CEP170B: variants seen among roughly 807,000 people sequenced by gnomAD.
CEP170B encodes centrosomal protein of 170 kDa protein B.
CEP170B carries 55 observed loss-of-function variants against 120.6 expected under a neutral mutation model. That is an observed-to-expected ratio of 0.46 (90% CI 0.37 to 0.57). The LOEUF is 0.57. CEP170B is among the 20% of genes least tolerant of loss of function. The pLI is 0.00. For missense variants in CEP170B, 2,212 were observed against 2,253.3 expected (o/e 0.98, Z 0.37); for synonymous variants, 1,033 against 954.5 (o/e 1.08, Z -1.52).
At chr14:104,888,496 G>T (rs922446189) in intron 12 of CEP170B, among the ~76,000 whole-genome samples, 4 of 152,236 alleles carry the variant, frequency 2.6e-5, no homozygotes, top group Non-Finnish European at 2.9e-5. Flanking sequence ...AGGGAGGGAG[G>T]GAGGGCTGTG....
At chr14:104,878,593 A>C in intron 5 of CEP170B, 92 bp downstream of exon 5, 1 of 1,404,678 alleles carries the variant, frequency 7.1e-7, no homozygotes, top group Non-Finnish European at 9.9e-7. Flanking sequence ...CCCAGCAAAC[A>C]CTCACCAGGC....
chr14:104,865,865 G>T lies in CEP170B; in HGVS notation c.-28+352G>T, dbSNP rs951039446. 6.6e-6 allele frequency among the ~76,000 whole-genome samples: 1 copy of T among 152,034 alleles called. No homozygotes were observed. The highest frequency in any genetic ancestry group is 2.4e-5 in the African/African-American group (1 of 41,422). On this transcript the variant is annotated intron_variant, in intron 1 of 18. Coordinates refer to ENST00000414716, the MANE Select transcript of CEP170B (RefSeq NM_001112726.3). This position sits in a 1 kb window ranked among gnomAD's most constrained non-coding sequence, Gnocchi z 6.7. Reference sequence around the variant, plus strand: ...GCCGGGCCCGGCCGCCTCCCTCCTGGCCTGGTCTCTCCTCCCGCGGTCCCT... The same window carrying T: ...GCCGGGCCCGGCCGCCTCCCTCCTGTCCTGGTCTCTCCTCCCGCGGTCCCT...
Position 104,870,227 on chromosome 14 carries a change from C to T in CEP170B, c.105+1672C>T, listed in dbSNP as rs146152700. Among the ~76,000 whole-genome samples, 1,814 of 152,354 alleles carry T rather than the reference C, an allele frequency of 0.012. 45 individuals carry two copies. Among genetic ancestry groups the T allele is most frequent in the Admixed American group, 0.053 (815 of 15,304 alleles). ...GCGTGGGCGACCGAGGTGGGCGCGG[C>T]AGCACCTGCACTTCATTTATGGATG... On this transcript the variant is annotated intron_variant, in intron 2 of 18. Coordinates refer to ENST00000414716, the MANE Select transcript of CEP170B (RefSeq NM_001112726.3). The surrounding 1 kb of genome is among the most constrained non-coding windows in gnomAD (Gnocchi z 4.1).
At position 104,889,696 on chromosome 14, in the gene CEP170B, TGAG is replaced by T. The variant is rs899033216; in HGVS notation, c.3823_3825del (p.Glu1275del). 8.1e-6 allele frequency: 13 copies of T among 1,611,832 alleles called. No homozygotes were observed. The highest frequency in any genetic ancestry group is 3.3e-5 in the Admixed American group (2 of 59,958). ...CCGGCCCCCGGGACACGGACGACGA[TGAG>T]GAGGAGCCTGACCCTTATGGTTTCA... On this transcript the variant is annotated inframe_deletion, in exon 13 of 19. Coordinates refer to ENST00000414716, the MANE Select transcript of CEP170B (RefSeq NM_001112726.3).
At position 104,896,614 on chromosome 14, in the gene CEP170B, G is replaced by A. The variant is rs1218134340; in HGVS notation, c.*1656G>A. Reference sequence around the variant, plus strand: ...AGCCTTTGCCTGGGAACTGGTCCTTGTTTGCCGGGCTTCTCGGAGGGTTCA... The same window carrying A: ...AGCCTTTGCCTGGGAACTGGTCCTTATTTGCCGGGCTTCTCGGAGGGTTCA... On this transcript the variant is annotated 3_prime_UTR_variant, in exon 19 of 19. Coordinates refer to ENST00000414716, the MANE Select transcript of CEP170B (RefSeq NM_001112726.3). The A allele has an allele frequency of 4.4e-6, 2 of 456,056 alleles. No homozygotes were observed. Among genetic ancestry groups the A allele is most frequent in the Non-Finnish European group, 8.8e-6 (2 of 226,938 alleles). The allele number at this position is 456,056 out of a possible 1,614,324, so 28.3% of individuals were successfully genotyped here.
chr14:104,868,330 T>C lies in CEP170B; in HGVS notation c.-27-94T>C. ...CTTCTCCGGAAGCTGCCAGCTTCCC[T>C]TAGAGGGTCAGGATCTGGGCTGGGC... On this transcript the variant is annotated intron_variant, in intron 1 of 18. Transcript: ENST00000414716. This position sits in a 1 kb window ranked among gnomAD's most constrained non-coding sequence, Gnocchi z 5.9. 1 of 866,026 alleles carries C rather than the reference T, an allele frequency of 1.2e-6. No individual in the cohort carries two copies. Among genetic ancestry groups the C allele is most frequent in the Non-Finnish European group, 1.7e-6 (1 of 572,936 alleles). The allele number at this position is 866,026 out of a possible 1,614,324, so 53.6% of individuals were successfully genotyped here.
rs1168475457 is a variant in CEP170B, at chr14:104,886,765, G to C, written c.2526G>C (p.Gly842=). Residue 842 remains glycine (G), a synonymous_variant, in exon 12 of 19, where the codon GGG becomes GGC. Coordinates refer to ENST00000414716, the MANE Select transcript of CEP170B (RefSeq NM_001112726.3). ...ARDGVYVSAN[G]RMVIQLRPGR... is the part of the protein sequence containing the mutation. ...ATGGCGTCTATGTCAGTGCCAATGG[G>C]AGAATGGTCATCCAGCTACGGCCTG... 5 of 1,611,814 alleles carry C rather than the reference G, an allele frequency of 3.1e-6. 1 individual carries two copies. In the South Asian group the frequency reaches 5.5e-5, roughly 18 times the overall value.
intron 12 of CEP170B, among the ~76,000 whole-genome samples, chr14:104,888,251 C>T (rs1410149014): frequency 2.0e-5 from 3 of 152,242 alleles, no homozygotes; most frequent in Non-Finnish European, 4.4e-5. Flanking sequence ...GGGTGTGCCT[C>T]AGGGCCCCGA....
rs1272021814 is a variant in CEP170B at position 104,884,179 on chromosome 14, T to C, written c.1400T>C (p.Leu467Pro). 6.5e-7 allele frequency: 1 copy of C among 1,546,886 alleles called. No individual in the cohort carries two copies. The highest frequency in any genetic ancestry group is 1.7e-4 in the Middle Eastern group (1 of 5,942). Residue 467 changes from leucine (L) to proline (P), a missense_variant, in exon 9 of 19, where the codon CTC becomes CCC. Leu to Pro is a moderately conservative substitution (Grantham distance 98). This residue lies in a region of CEP170B where 2,166 missense variants were observed against 2,166.7 expected (regional missense o/e 1.00). Transcript: ENST00000414716. ...RSSGPQRAGS[L>P]KREKTEERLG... is the part of the protein sequence containing the mutation. ...TCGGGGCCACAGAGGGCCGGCTCGC[T>C]CAAGCGGGAGAAGACAGAGGAACGG...
Position 104,868,949 on chromosome 14 carries a change from G to A in CEP170B, c.105+394G>A, listed in dbSNP as rs953331180. 3.3e-5 allele frequency among the ~76,000 whole-genome samples: 5 copies of A among 152,146 alleles called. No individual in the cohort carries two copies. Among genetic ancestry groups the A allele is most frequent in the Admixed American group, 3.3e-4 (5 of 15,276 alleles). On this transcript the variant is annotated intron_variant, in intron 2 of 18. Transcript: ENST00000414716. This position sits in a 1 kb window ranked among gnomAD's most constrained non-coding sequence, Gnocchi z 5.9. ...CTGTCCATATTCTTGTTGTCTGGGG[G>A]CCCCGTCTATGCTGTGAGTGCTGCC...
rs1339511929 is a variant in CEP170B at position 104,894,633 on chromosome 14, C to T, written c.4417+45C>T. 12 of 1,597,284 alleles carry T rather than the reference C, an allele frequency of 7.5e-6. No individual in the cohort carries two copies. The South Asian group carries it at 1.2e-4, about 16-fold the overall frequency. The stretch of plus-strand genomic sequence containing the variant: ...GGGGCAGCAAGGGAGGCTGGCAGGG[C>T]CTTGTGGGGAACCCTGACTCACAGG... On this transcript the variant is annotated intron_variant, in intron 18 of 18. Transcript: ENST00000414716.
At chr14:104,885,323 T>C in intron 9 of CEP170B, 46 bp from the exon 10 acceptor site, 1 of 1,496,636 alleles carries the variant, frequency 6.7e-7, no homozygotes, top group Non-Finnish European at 8.9e-7. Context: ...GGTTGGGAGG[T>C]GGGCTTCTCT....
Position 104,880,293 on chromosome 14 carries a change from A to G in CEP170B, c.340A>G (p.Lys114Glu). 6.3e-7 allele frequency: 1 copy of G among 1,599,930 alleles called. No homozygotes were observed. Among genetic ancestry groups the G allele is most frequent in the Non-Finnish European group, 8.5e-7 (1 of 1,173,988 alleles). Reference sequence around the variant, plus strand: ...CCGCCTGGCCTGCCCACAGCATGAAAAGTACACCAGCCAGCTGCAGGTGAG... The same window carrying G: ...CCGCCTGGCCTGCCCACAGCATGAAGAGTACACCAGCCAGCTGCAGGTGAG... Reference protein sequence around the residue: ...RVPEEALKHEKYTSQLQVSVK... With the variant: ...RVPEEALKHEEYTSQLQVSVK... The change falls in exon 6 of 19, where the codon AAG (lysine) becomes GAG (glutamate). Residue 114 changes from lysine to glutamate, a missense_variant. By Grantham distance (56) the Lys-to-Glu change is moderately conservative. This residue lies in a region of CEP170B where 2,166 missense variants were observed against 2,166.7 expected (regional missense o/e 1.00). Transcript: ENST00000414716.
At position 104,865,996 on chromosome 14, in the gene CEP170B, C is replaced by T. The variant is rs1204117230; in HGVS notation, c.-28+483C>T. On this transcript the variant is annotated intron_variant, in intron 1 of 18. Transcript: ENST00000414716. The surrounding 1 kb of genome is among the most constrained non-coding windows in gnomAD (Gnocchi z 6.7). The stretch of plus-strand genomic sequence containing the variant: ...GTGCGCTCCTTCCACCGCCGGCCTG[C>T]CCCGCCCGGCTCGCTGCCCTTCCCT... 6.6e-6 allele frequency among the ~76,000 whole-genome samples: 1 copy of T among 152,222 alleles called. No homozygotes were observed. The highest frequency in any genetic ancestry group is 2.4e-5 in the African/African-American group (1 of 41,450).
At position 104,885,867 on chromosome 14, in the gene CEP170B, T is replaced by C. The variant is rs2304754; in HGVS notation, c.1945-173T>C. On this transcript the variant is annotated intron_variant, in intron 10 of 18. Transcript: ENST00000414716. ...TTGGAGCAAGTCCAGGCGAGGCAAC[T>C]GGGATCCCTGGCTGCCTTTGCAGGG... Among the ~76,000 whole-genome samples the C allele has an allele frequency of 3.8e-3, 583 of 152,292 alleles. 19 individuals carry two copies. The East Asian group carries it at 0.046, about 12-fold the overall frequency.
chr14:104,893,090 C>T lies in CEP170B; in HGVS notation c.3993C>T (p.Ser1331=), dbSNP rs753199240. Residue 1331 remains serine (S), a synonymous_variant, in exon 14 of 19, where the codon AGC becomes AGT. Coordinates refer to ENST00000414716, the MANE Select transcript of CEP170B (RefSeq NM_001112726.3). ...AGCCTGCCCACAGCGCCTCCCTCAG[C>T]AACATGCCCAGCACCCCCGCCTCGA... ...SSEPAHSASL[S]NMPSTPASTI... 89 of 1,608,032 alleles carry T rather than the reference C, an allele frequency of 5.5e-5. No individual in the cohort carries two copies. The highest frequency in any genetic ancestry group is 3.9e-4 in the Middle Eastern group (2 of 5,162).
chr14:104,884,099 G>T lies in CEP170B; in HGVS notation c.1320G>T (p.Pro440=). The T allele has an allele frequency of 6.3e-7, 1 of 1,583,474 alleles. No individual in the cohort carries two copies. The highest frequency in any genetic ancestry group is 8.6e-7 in the Non-Finnish European group (1 of 1,165,260). Residue 440 remains proline, a synonymous_variant, in exon 9 of 19, where the codon CCG becomes CCT. Transcript: ENST00000414716. The part of the protein sequence containing the change: ...PKADKRRGPT[P]ADRDRPSVPA... ...CCGACAAGCGCCGTGGCCCAACGCCGGCCGATAGGGACCGCCCCAGTGTCC... is the reference window on the plus strand; with the variant it reads ...CCGACAAGCGCCGTGGCCCAACGCCTGCCGATAGGGACCGCCCCAGTGTCC...
rs1376281705 is a variant in CEP170B, at chr14:104,887,743, C to T, written c.3504C>T (p.Asp1168=). 3 of 1,580,940 alleles carry T rather than the reference C, an allele frequency of 1.9e-6. No homozygotes were observed. Among genetic ancestry groups the T allele is most frequent in the Non-Finnish European group, 1.7e-6 (2 of 1,164,492 alleles). The change falls in exon 12 of 19, where the codon GAC becomes GAT. Residue 1168 remains aspartate (D), a synonymous_variant. Coordinates refer to ENST00000414716, the MANE Select transcript of CEP170B (RefSeq NM_001112726.3). ...AEQAKKLSRL[D]ILAMPRKRAG... ...AGGCCAAGAAGCTGTCACGCCTGGA[C>T]ATCCTGGCCATGCCCCGGAAGCGGG...
At chr14:104,888,307 C>T (rs547481400) in intron 12 of CEP170B, among the ~76,000 whole-genome samples, 7 of 152,236 alleles carry the variant, frequency 4.6e-5, no homozygotes, top group Non-Finnish European at 1.0e-4. Flanking sequence ...CTGGCTCAGG[C>T]CCCTGGTGCC....
Sources: allele counts gnomAD v4.1 joint callset (sites outside exome capture counted in the v4.1 genomes callset), GRCh38; gene constraint gnomAD v4.1.1; regional missense constraint gnomAD v4.1.1; non-coding constraint Gnocchi (gnomAD v3.1); transcripts MANE v1.5; gene names NCBI Gene and HGNC (gene_info 2026-07-23, HGNC 2026-07-21).